SNX24: variants seen among roughly 807,000 people sequenced by gnomAD.
SNX24 encodes sorting nexin-24.
A neutral mutation model predicts 28.7 loss-of-function variants in SNX24; 22 were observed. That is an observed-to-expected ratio of 0.77 (90% confidence interval 0.55 to 1.10). The LOEUF (loss-of-function observed/expected upper bound fraction) is 1.10, where lower values mean the gene tolerates loss of function less well. Ranked by LOEUF, SNX24 falls within the 50% of genes least tolerant of loss-of-function variation. The pLI, the probability that SNX24 is intolerant of heterozygous loss-of-function variation, is 0.00. For missense variants in SNX24, 221 were observed against 201.1 expected (o/e 1.10, Z -0.60); for synonymous variants, 69 against 71.5 (o/e 0.96, Z 0.18).
At chr5:122,872,988 A>G (rs1756050978) in intron 1 of SNX24, among the ~76,000 whole-genome samples, 1 of 152,094 alleles carries the variant, frequency 6.6e-6, no homozygotes, top group Admixed American at 6.6e-5. Context: ...GGTTTTTGAG[A>G]CAGGGTTTTG....
intron 1 of SNX24, among the ~76,000 whole-genome samples, chr5:122,935,671 T>C (rs923559443): frequency 1.3e-5 from 2 of 152,328 alleles, no homozygotes; most frequent in South Asian, 2.1e-4. Context: ...GACAGAAATA[T>C]AGAGCCATAG....
intron 1 of SNX24, among the ~76,000 whole-genome samples, chr5:122,929,894 A>G (rs188339180): frequency 3.1e-4 from 47 of 151,692 alleles, no homozygotes; most frequent in Middle Eastern, 3.4e-3. Context: ...TCTTTTTTTA[A>G]TATTCAAAGA....
intron 3 of SNX24, 72 bp from the exon 4 acceptor site, chr5:122,999,840 T>G: frequency 4.4e-6 from 4 of 911,236 alleles, no homozygotes; most frequent in Non-Finnish European, 7.3e-6. Flanking sequence ...TATGACTTTT[T>G]GAAATAGTTC....
At chr5:122,910,718 G>A (rs1451764651) in intron 1 of SNX24, among the ~76,000 whole-genome samples, 1 of 147,730 alleles carries the variant, frequency 6.8e-6, no homozygotes, top group Non-Finnish European at 1.5e-5. Flanking sequence ...AACATGTGGT[G>A]TTTCGTTTTT....
intron 1 of SNX24, among the ~76,000 whole-genome samples, chr5:122,880,570 G>A (rs1004297279): frequency 2.0e-5 from 3 of 152,146 alleles, no homozygotes; most frequent in African/African-American, 7.2e-5. Flanking sequence ...GTTGATTGTT[G>A]CCTATAAAAG....
At chr5:123,004,560 C>A (rs1762356187) in intron 6 of SNX24, among the ~76,000 whole-genome samples, 1 of 152,170 alleles carries the variant, frequency 6.6e-6, no homozygotes, top group African/African-American at 2.4e-5. Context: ...GCCTGCCTAC[C>A]ACGTGTATAC....
At chr5:122,963,806 A>C (rs973096612) in intron 3 of SNX24, among the ~76,000 whole-genome samples, 4 of 152,254 alleles carry the variant, frequency 2.6e-5, no homozygotes, top group Non-Finnish European at 4.4e-5. Flanking sequence ...CTTCACAGAC[A>C]TTAAAATTCT....
intron 3 of SNX24, among the ~76,000 whole-genome samples, chr5:122,996,070 C>T (rs1471412741): frequency 6.6e-6 from 1 of 152,220 alleles, no homozygotes; most frequent in African/African-American, 2.4e-5. Context: ...ATGAATTACT[C>T]TCTAGAATCG....
At chr5:122,862,304 G>A (rs1360299880) in intron 1 of SNX24, among the ~76,000 whole-genome samples, 1 of 152,004 alleles carries the variant, frequency 6.6e-6, no homozygotes, top group Non-Finnish European at 1.5e-5. Context: ...AACATCAGGG[G>A]TACAAGTGAC....
intron 1 of SNX24, among the ~76,000 whole-genome samples, chr5:122,875,222 A>T (rs539449682): frequency 5.8e-4 from 88 of 152,344 alleles, no homozygotes; most frequent in Middle Eastern, 6.8e-3. Context: ...GTTCAGAATT[A>T]TTTCTTATAT....
chr5:122,870,009 T>G (rs1015136055), intron 1 of SNX24, among the ~76,000 whole-genome samples: 1 of 152,190 alleles, frequency 6.6e-6, no homozygotes, highest in African/African-American at 2.4e-5. Context: ...AGTATAACTT[T>G]TAGGGAAACT....
chr5:122,858,367 A>C (rs1392451429), intron 1 of SNX24, among the ~76,000 whole-genome samples: 1 of 152,262 alleles, frequency 6.6e-6, no homozygotes, highest in Non-Finnish European at 1.5e-5. Context: ...GATAACAACA[A>C]AACTTTAATT....
intron 1 of SNX24, among the ~76,000 whole-genome samples, chr5:122,924,965 TC>T (rs551761135): frequency 2.0e-3 from 303 of 150,986 alleles, no homozygotes; most frequent in Non-Finnish European, 1.9e-3. Context: ...TCCCCACTCT[TC>T]CCTTTCCCTT....
chr5:122,951,913 A>G (rs773827224), intron 3 of SNX24, among the ~76,000 whole-genome samples: 1 of 152,206 alleles, frequency 6.6e-6, no homozygotes, highest in Non-Finnish European at 1.5e-5. Context: ...AAGTAGATCC[A>G]TTCAGGGCAC....
In SNX24 at chr5:122,888,733, C is replaced by T. The variant is rs1438562352; in HGVS notation, c.60+43040C>T. Among the ~76,000 whole-genome samples the T allele has an allele frequency of 1.5e-4, 23 of 152,248 alleles. 2 individuals are homozygous for T. Among genetic ancestry groups the T allele is most frequent in the Admixed American group, 1.4e-3 (22 of 15,280 alleles). Reference sequence around the variant, plus strand: ...TTTCAAGCAGTGGGTGATCCTGGCTCCCCTAACACTATTCCCTAGAAATGG... The same window carrying T: ...TTTCAAGCAGTGGGTGATCCTGGCTTCCCTAACACTATTCCCTAGAAATGG... On this transcript the variant is annotated intron_variant, in intron 1 of 6. Transcript: ENST00000261369.
At chr5:122,879,675 G>A (rs1358408379) in intron 1 of SNX24, among the ~76,000 whole-genome samples, 2 of 151,176 alleles carry the variant, frequency 1.3e-5, no homozygotes, top group Admixed American at 1.3e-4. Context: ...ATCAATTTTT[G>A]TATGTATGTA....
At chr5:122,991,755 C>G (rs567803444) in intron 3 of SNX24, among the ~76,000 whole-genome samples, 4 of 152,214 alleles carry the variant, frequency 2.6e-5, no homozygotes, top group African/African-American at 9.6e-5. Context: ...GCCCCTGCAC[C>G]CAGTCGTTTT....
intron 3 of SNX24, among the ~76,000 whole-genome samples, chr5:122,979,144 G>C (rs1761289752): frequency 6.6e-6 from 1 of 152,134 alleles, no homozygotes; most frequent in Non-Finnish European, 1.5e-5. Flanking sequence ...ACAGAGGCCG[G>C]GTATTGATTA....
At chr5:122,945,320 C>A (rs1287157031) in intron 2 of SNX24, among the ~76,000 whole-genome samples, 7 of 152,186 alleles carry the variant, frequency 4.6e-5, no homozygotes, top group African/African-American at 1.7e-4. Context: ...TTAACCAAAT[C>A]TTCAAAGTCC....
Sources: gnomAD v4.1 joint callset for allele counts (sites outside exome capture counted in the v4.1 genomes callset) on GRCh38, gnomAD v4.1.1 for gene constraint, MANE v1.5 for transcripts, NCBI Gene and HGNC (gene_info 2026-07-23, HGNC 2026-07-21) for gene names.